TENM3: variants seen among roughly 807,000 people sequenced by gnomAD.
The protein encoded by TENM3 is teneurin transmembrane protein 3.
TENM3 carries 63 observed loss-of-function variants against 255.1 expected under a neutral mutation model. The ratio of observed to expected loss-of-function variants is 0.25; its 90% CI spans 0.20 to 0.30. The LOEUF (loss-of-function observed/expected upper bound fraction) is 0.30, where lower values mean the gene tolerates loss of function less well. Among genes scored for constraint, TENM3 ranks in the 10% least tolerant of loss-of-function variants. The probability of loss-of-function intolerance (pLI) is 1.00; values close to 1 mark genes in which losing one functional copy is unlikely to be tolerated. For synonymous variants in TENM3, 1,306 were observed against 1,322.3 expected, an observed-to-expected ratio of 0.99 and a Z score of 0.27; for missense variants, 2,929 against 3,461.1, an observed-to-expected ratio of 0.85 and a Z score of 3.86.
chr4:182,232,053 G>T (rs992907169), intron 1 of TENM3, among the ~76,000 whole-genome samples: 1 of 152,104 alleles, frequency 6.6e-6, no homozygotes, highest in Non-Finnish European at 1.5e-5. Context: ...CAGGAGTCCC[G>T]TTCCCCATAC....
intron 3 of TENM3, among the ~76,000 whole-genome samples, chr4:182,552,252 G>A (rs948840806): frequency 6.6e-6 from 1 of 152,056 alleles, no homozygotes; most frequent in Non-Finnish European, 1.5e-5. Context: ...CCTGGGCAAC[G>A]TAGTAGATGC....
the TENM3 span, among the ~76,000 whole-genome samples, chr4:181,493,052 A>G: frequency 6.6e-6 from 1 of 152,026 alleles, no homozygotes; most frequent in African/African-American, 2.4e-5. Context: ...AAGAATAAGC[A>G]CCAGGGAGGT....
intron 1 of TENM3, among the ~76,000 whole-genome samples, chr4:182,157,545 A>G (rs573527330): frequency 6.6e-6 from 1 of 152,308 alleles, no homozygotes; most frequent in Admixed American, 6.5e-5. Context: ...TGTCCTCACT[A>G]GAGAATAGCT....
chr4:182,224,082 TAAATC>T (rs1205656422), intron 1 of TENM3, among the ~76,000 whole-genome samples: 5 of 152,244 alleles, frequency 3.3e-5, no homozygotes, highest in African/African-American at 4.8e-5. Context: ...TATCGAATCA[TAAATC>T]AAACTGCTTT....
intron 3 of TENM3, among the ~76,000 whole-genome samples, chr4:182,498,854 T>TA (rs11413696): frequency 0.33 from 49,008 of 147,160 alleles, 8,994 homozygotes; most frequent in South Asian, 0.42. Flanking sequence ...AAACTCCATC[T>TA]AAAAAAAAAA....
chr4:182,079,275 G>T, the TENM3 span, among the ~76,000 whole-genome samples: 2 of 152,130 alleles, frequency 1.3e-5, no homozygotes, highest in African/African-American at 4.8e-5. Context: ...CTAGCACTTT[G>T]GGAGGCCGAG....
intron 1 of TENM3, among the ~76,000 whole-genome samples, chr4:182,225,922 C>T (rs539035654): frequency 6.6e-6 from 1 of 152,266 alleles, no homozygotes; most frequent in African/African-American, 2.4e-5. Context: ...TTAAGCAGCT[C>T]AGCTCAGCAA....
the TENM3 span, among the ~76,000 whole-genome samples, chr4:181,525,058 A>G: frequency 3.3e-5 from 5 of 152,212 alleles, no homozygotes; most frequent in East Asian, 9.7e-4. Flanking sequence ...CAGATTTTTA[A>G]GCAGTTTTTT....
At chr4:182,797,751 T>C (rs567259089) in intron 27 of TENM3, among the ~76,000 whole-genome samples, 1 of 152,248 alleles carries the variant, frequency 6.6e-6, no homozygotes, top group East Asian at 1.9e-4. Context: ...GGTGACTCCA[T>C]GATCATAAGG....
chr4:181,945,098 T>G, the TENM3 span, among the ~76,000 whole-genome samples: 2 of 136,632 alleles, frequency 1.5e-5, no homozygotes, highest in Non-Finnish European at 3.2e-5. Flanking sequence ...TCACTTCCGG[T>G]TTGGGGAGGG....
Position 182,428,742 on chromosome 4 carries a change from A to T in TENM3, c.511+81813A>T, listed in dbSNP as rs73869986. ...TTTCGTAAAATATAAGGTGCATTTT[A>T]AAAATACCTTATTTTGTTAAAATTT... On this transcript the variant is annotated intron_variant, in intron 3 of 27. Coordinates refer to ENST00000511685, the MANE Select transcript of TENM3 (RefSeq NM_001080477.4). Among the ~76,000 whole-genome samples the T allele has an allele frequency of 2.4e-3, 361 of 152,302 alleles. 3 individuals are homozygous for T. Among genetic ancestry groups the T allele is most frequent in the African/African-American group, 6.8e-3 (283 of 41,562 alleles).
rs1039929780 is a variant in TENM3, at chr4:182,301,858, G to A, written c.-75-22088G>A. On this transcript the variant is annotated intron_variant, in intron 1 of 27. Transcript: ENST00000511685. Reference sequence around the variant, plus strand: ...ACACAACTCTAAAGACAGGGAATTCGGGGGCCTATACTGAGAAGGATAAAC... The same window carrying A: ...ACACAACTCTAAAGACAGGGAATTCAGGGGCCTATACTGAGAAGGATAAAC... Among the ~76,000 whole-genome samples the A allele has an allele frequency of 5.9e-5, 9 of 152,240 alleles. No individual in the cohort carries two copies. The East Asian group carries it at 9.7e-4, about 16-fold the overall frequency.
At chr4:182,696,784 A>C (rs1303278507) in intron 12 of TENM3, among the ~76,000 whole-genome samples, 1 of 152,088 alleles carries the variant, frequency 6.6e-6, no homozygotes, top group Non-Finnish European at 1.5e-5. Flanking sequence ...CTGAAAAATA[A>C]ATGTTTTGTT....
At chr4:181,889,240 C>T in the TENM3 span, among the ~76,000 whole-genome samples, 1 of 152,062 alleles carries the variant, frequency 6.6e-6, no homozygotes, top group Non-Finnish European at 1.5e-5. Flanking sequence ...CGTGGTGATG[C>T]GTGCGTTCAC....
the TENM3 span, among the ~76,000 whole-genome samples, chr4:181,639,594 G>T: frequency 1.3e-5 from 2 of 152,130 alleles, no homozygotes; most frequent in Non-Finnish European, 2.9e-5. Context: ...ACAAAAATTG[G>T]CCAGGCATGG....
the TENM3 span, among the ~76,000 whole-genome samples, chr4:181,685,830 G>A: frequency 6.6e-6 from 1 of 152,026 alleles, no homozygotes; most frequent in Non-Finnish European, 1.5e-5. Context: ...GTTCAAGCTT[G>A]CCAATCTCAG....
intron 2 of TENM3, among the ~76,000 whole-genome samples, chr4:182,328,210 T>TTTTTTGTTTTTG (rs200758134): frequency 2.0e-5 from 3 of 152,158 alleles, no homozygotes; most frequent in African/African-American, 4.8e-5. Flanking sequence ...AAGGACTCTG[T>TTTTTTGTTTTTG]TTTTTGTTTT....
Position 182,230,851 on chromosome 4 carries a change from T to TATATATAC in TENM3, c.-76+86103_-76+86104insACATATAT, listed in dbSNP as rs1756523655. 3.2e-5 allele frequency among the ~76,000 whole-genome samples: 4 copies of TATATATAC among 123,584 alleles called. No individual in the cohort carries two copies. The Admixed American group carries it at 3.2e-4, about 10-fold the overall frequency. The allele number at this position is 123,584 out of a possible 152,430, so 81.1% of individuals were successfully genotyped here. On this transcript the variant is annotated intron_variant, in intron 1 of 2. Coordinates refer to the TENM3 transcript ENST00000512480. ...ATATATATATATATATATATATATA[T>TATATATAC]ATATATCCCCCTTCTACCTCCTGTT...
the TENM3 span, among the ~76,000 whole-genome samples, chr4:181,672,774 A>G: frequency 1.3e-5 from 2 of 152,208 alleles, no homozygotes; most frequent in Non-Finnish European, 2.9e-5. Flanking sequence ...CTTTGCATAT[A>G]GTATAATCAA....
Sources: gnomAD v4.1 joint callset for allele counts (sites outside exome capture counted in the v4.1 genomes callset) on GRCh38, gnomAD v4.1.1 for gene constraint, MANE v1.5 for transcripts, NCBI Gene and HGNC (gene_info 2026-07-23, HGNC 2026-07-21) for gene names.